The following TMEM108 variants were observed in gnomAD, a reference collection of about 807,000 sequenced individuals.
TMEM108 encodes cancer/testis antigen 124.
A neutral mutation model predicts 35.1 loss-of-function variants in TMEM108; 12 were observed. That is an observed-to-expected ratio of 0.34 (90% CI 0.22 to 0.55). The LOEUF is 0.55. TMEM108 is among the 20% of genes least tolerant of loss of function. The pLI, the probability that TMEM108 is intolerant of heterozygous loss-of-function variation, is 0.89. For missense variants in TMEM108, 680 were observed against 753.3 expected, an observed-to-expected ratio of 0.90 and a Z score of 1.14; for synonymous variants, 287 against 308.6, an observed-to-expected ratio of 0.93 and a Z score of 0.73.
chr3:133,270,993 C>T (rs955372767), intron 3 of TMEM108, among the ~76,000 whole-genome samples: 1 of 152,194 alleles, frequency 6.6e-6, no homozygotes, highest in Admixed American at 6.5e-5. Context: ...ATCCTCTTGA[C>T]ACAACCACTG....
chr3:133,390,458 TAAC>T, intron 5 of TMEM108, 124 bp downstream of exon 5: 1 of 1,114,770 alleles, frequency 9.0e-7, no homozygotes, highest in Admixed American at 2.1e-5. Flanking sequence ...GCAGTATCAA[TAAC>T]ACCCAAGAGG....
intron 2 of TMEM108, among the ~76,000 whole-genome samples, chr3:133,140,680 G>T (rs113376339): frequency 1.3e-5 from 2 of 152,202 alleles, no homozygotes; most frequent in African/African-American, 4.8e-5. Context: ...TCTCAAAGTA[G>T]TCATTTATTC....
At chr3:133,301,605 G>A (rs1947226154) in intron 3 of TMEM108, among the ~76,000 whole-genome samples, 1 of 152,140 alleles carries the variant, frequency 6.6e-6, no homozygotes, top group South Asian at 2.1e-4. Context: ...TACTTTGGGG[G>A]ATTCTTAACA....
At chr3:133,299,774 C>T (rs138401920) in intron 3 of TMEM108, among the ~76,000 whole-genome samples, 120 of 152,278 alleles carry the variant, frequency 7.9e-4, no homozygotes, top group Non-Finnish European at 1.4e-3. Context: ...ACACACTCTT[C>T]TGGCAGAGGG....
chr3:133,288,158 C>T, intron 3 of TMEM108, among the ~76,000 whole-genome samples: 1 of 152,224 alleles, frequency 6.6e-6, no homozygotes, highest in East Asian at 1.9e-4. Flanking sequence ...GTAGCTCCAC[C>T]TTCCTCACAA....
At chr3:133,181,019 A>C (rs951959775) in intron 2 of TMEM108, among the ~76,000 whole-genome samples, 4 of 125,960 alleles carry the variant, frequency 3.2e-5, no homozygotes, top group Non-Finnish European at 5.4e-5. Flanking sequence ...AAAAAAAAAA[A>C]AAAAAAAAAA....
chr3:133,077,899 GA>G (rs933416330), intron 2 of TMEM108, among the ~76,000 whole-genome samples: 1 of 152,168 alleles, frequency 6.6e-6, no homozygotes, highest in African/African-American at 2.4e-5. Flanking sequence ...GTGTTCTGAG[GA>G]AACAGGCAGA....
At chr3:133,275,585 C>T (rs1040975288) in intron 3 of TMEM108, among the ~76,000 whole-genome samples, 5 of 152,046 alleles carry the variant, frequency 3.3e-5, no homozygotes, top group African/African-American at 1.2e-4. Context: ...TGTCCCAATC[C>T]GTTACTTGCA....
intron 2 of TMEM108, among the ~76,000 whole-genome samples, chr3:133,074,872 T>A (rs1156763327): frequency 1.3e-5 from 2 of 152,236 alleles, no homozygotes; most frequent in Non-Finnish European, 2.9e-5. Flanking sequence ...ACTGAATGTG[T>A]ATTACTTTTG....
chr3:133,180,236 T>A (rs890402160), intron 2 of TMEM108, among the ~76,000 whole-genome samples: 1 of 152,134 alleles, frequency 6.6e-6, no homozygotes, highest in African/African-American at 2.4e-5. Flanking sequence ...TGTGGGAATA[T>A]TGCATTTTTC....
At chr3:133,295,049 AC>A (rs1947123777) in intron 3 of TMEM108, among the ~76,000 whole-genome samples, 3 of 152,202 alleles carry the variant, frequency 2.0e-5, no homozygotes, top group Admixed American at 6.5e-5. Flanking sequence ...CCCACTAGGT[AC>A]TTTTGTAACA....
intron 2 of TMEM108, among the ~76,000 whole-genome samples, chr3:133,083,723 T>C (rs1007151078): frequency 1.3e-5 from 2 of 152,182 alleles, no homozygotes; most frequent in African/African-American, 4.8e-5. Context: ...TTTTTTAAAA[T>C]AAAGGAATAC....
chr3:133,099,475 T>G (rs1284834810), intron 2 of TMEM108, among the ~76,000 whole-genome samples: 1 of 152,234 alleles, frequency 6.6e-6, no homozygotes, highest in Non-Finnish European at 1.5e-5. Context: ...GGCAGCCAGC[T>G]TGAATTTCTT....
intron 3 of TMEM108, among the ~76,000 whole-genome samples, chr3:133,376,562 G>A (rs1576524253): frequency 6.6e-6 from 1 of 152,200 alleles, no homozygotes; most frequent in East Asian, 1.9e-4. Flanking sequence ...GTCAGGAAGT[G>A]CAGTGATGAG....
At position 133,342,555 on chromosome 3, in the gene TMEM108, T is replaced by TATATATATATATATATAC. The variant is rs60991711; in HGVS notation, c.41-37196_41-37195insTATATATATATATATACA. 6.3e-4 allele frequency among the ~76,000 whole-genome samples: 40 copies of TATATATATATATATATAC among 63,388 alleles called. 3 individuals are homozygous for TATATATATATATATATAC. The South Asian group carries it at 7.0e-3, about 11-fold the overall frequency. The allele number at this position is 63,388 out of a possible 152,430, so 41.6% of individuals were successfully genotyped here. On this transcript the variant is annotated intron_variant, in intron 3 of 5. Coordinates refer to ENST00000321871, the MANE Select transcript of TMEM108 (RefSeq NM_023943.4). ...AAAAAGAAAATGTGGTATATATATA[T>TATATATATATATATATAC]ACACACACACACACAATGGAGTACT...
intron 2 of TMEM108, among the ~76,000 whole-genome samples, chr3:133,109,640 G>A (rs1944202004): frequency 6.6e-6 from 1 of 152,206 alleles, no homozygotes; most frequent in Non-Finnish European, 1.5e-5. Flanking sequence ...AGGTTTTTGT[G>A]TAAGATGAGT....
At chr3:133,333,125 A>G (rs1379955715) in intron 3 of TMEM108, among the ~76,000 whole-genome samples, 7 of 152,154 alleles carry the variant, frequency 4.6e-5, no homozygotes, top group Non-Finnish European at 1.0e-4. Context: ...CTCTAGTTCT[A>G]TGATGAAAGT....
At chr3:133,070,785 TTGTG>T (rs1210549787) in intron 2 of TMEM108, among the ~76,000 whole-genome samples, 1 of 128,686 alleles carries the variant, frequency 7.8e-6, no homozygotes, top group Admixed American at 8.2e-5. Flanking sequence ...CTGTGTGTGT[TTGTG>T]TGAGTGTGTT....
intron 3 of TMEM108, among the ~76,000 whole-genome samples, chr3:133,334,851 A>G (rs2071462289): frequency 6.6e-6 from 1 of 152,216 alleles, no homozygotes; most frequent in East Asian, 1.9e-4. Context: ...CAATTAGTAG[A>G]CTAATGAAGA....
Sources: allele counts gnomAD v4.1 joint callset (sites outside exome capture counted in the v4.1 genomes callset), GRCh38; gene constraint gnomAD v4.1.1; transcripts MANE v1.5; gene names NCBI Gene and HGNC (gene_info 2026-07-23, HGNC 2026-07-21).